Variants in GUCY1A2 observed in about 807,000 individuals in gnomAD.
The protein encoded by GUCY1A2 is guanylate cyclase 1 soluble subunit alpha 2.
GUCY1A2 carries 27 observed loss-of-function variants against 63.5 expected under a neutral mutation model. The observed-to-expected ratio is 0.43, with a 90% CI of 0.31 to 0.59. The LOEUF is 0.59. GUCY1A2 is among the 20% of genes least tolerant of loss of function. The pLI is 0.11. For synonymous variants in GUCY1A2, 364 were observed against 343.5 expected (o/e 1.06, Z -0.66); for missense variants, 768 against 913.3 (o/e 0.84, Z 2.05).
In GUCY1A2 at chr11:106,680,626, C is replaced by A. The variant is rs1221538340; in HGVS notation, c.*6923G>T. 1 of 197,880 alleles carries A rather than the reference C, an allele frequency of 5.1e-6. No homozygotes were observed. The highest frequency in any genetic ancestry group is 2.3e-5 in the African/African-American group (1 of 43,350). The allele number at this position is 197,880 out of a possible 1,614,324, so 12.3% of individuals were successfully genotyped here. A position where few individuals can be genotyped will look rare whatever the true frequency, so the allele number is the denominator to read the frequency against. Reference sequence around the variant, plus strand: ...TTTATTTAACCCAAAACCATTCTTACTAAGGATTTAAGGATCCAGTGATAT... The same window carrying A: ...TTTATTTAACCCAAAACCATTCTTAATAAGGATTTAAGGATCCAGTGATAT... On this transcript the variant is annotated 3_prime_UTR_variant, in exon 8 of 8. Transcript: ENST00000526355.
intron 7 of GUCY1A2, among the ~76,000 whole-genome samples, 163 bp downstream of exon 7, chr11:106,708,349 A>T (rs1360065550): frequency 6.6e-6 from 1 of 152,094 alleles, no homozygotes; most frequent in Non-Finnish European, 1.5e-5. Context: ...TGCAAATAAA[A>T]GTTTGTGTCA....
chr11:106,968,098 T>A (rs899090932), intron 3 of GUCY1A2, among the ~76,000 whole-genome samples: 2 of 152,218 alleles, frequency 1.3e-5, no homozygotes, highest in African/African-American at 4.8e-5. Flanking sequence ...TTCTTAAGCA[T>A]CCTTGCCCAA....
chr11:106,727,041 T>C (rs541592406), intron 6 of GUCY1A2, among the ~76,000 whole-genome samples: 1 of 152,190 alleles, frequency 6.6e-6, no homozygotes, highest in South Asian at 2.1e-4. Context: ...GTGTGAAATT[T>C]TAGAGCCAAC....
At chr11:106,836,152 G>C (rs984532916) in intron 4 of GUCY1A2, among the ~76,000 whole-genome samples, 1 of 151,890 alleles carries the variant, frequency 6.6e-6, no homozygotes, top group Non-Finnish European at 1.5e-5. Flanking sequence ...GGAACAACAT[G>C]GGGATTGGGA....
rs7115711 is a variant in GUCY1A2 at position 106,713,322 on chromosome 11, C to T, written c.1837-4656G>A. Among the ~76,000 whole-genome samples, 976 of 152,060 alleles carry T rather than the reference C, an allele frequency of 6.4e-3. 17 individuals are homozygous for T. The highest frequency in any genetic ancestry group is 0.022 in the African/African-American group (900 of 41,486). On this transcript the variant is annotated intron_variant, in intron 6 of 7. Coordinates refer to ENST00000526355, the MANE Select transcript of GUCY1A2 (RefSeq NM_000855.3). The stretch of plus-strand genomic sequence containing the variant: ...ATATTGGCTGGAAGCAGAAGTGAGA[C>T]CTACTTTTTAAAAAAAGTAAACTAT...
chr11:106,842,753 G>A (rs965561561), intron 4 of GUCY1A2, among the ~76,000 whole-genome samples: 1 of 151,948 alleles, frequency 6.6e-6, no homozygotes, highest in Admixed American at 6.6e-5. Flanking sequence ...GTGGTGGGTG[G>A]AAGGGGCCTG....
At chr11:106,725,740 A>G (rs185840729) in intron 6 of GUCY1A2, among the ~76,000 whole-genome samples, 14 of 152,258 alleles carry the variant, frequency 9.2e-5, no homozygotes, top group Admixed American at 2.6e-4. Context: ...TTTGAGCCAA[A>G]TGTTTGAAAT....
At chr11:106,830,795 A>G (rs573380517) in intron 4 of GUCY1A2, among the ~76,000 whole-genome samples, 3 of 152,292 alleles carry the variant, frequency 2.0e-5, no homozygotes, top group Admixed American at 6.5e-5. Flanking sequence ...GAGAGCCCTG[A>G]CTAGTACAAT....
At chr11:106,914,643 A>G (rs1191819798) in intron 4 of GUCY1A2, among the ~76,000 whole-genome samples, 1 of 151,968 alleles carries the variant, frequency 6.6e-6, no homozygotes, top group Non-Finnish European at 1.5e-5. Flanking sequence ...AGGAAAATTA[A>G]ATAAATATAT....
chr11:106,892,540 C>A (rs183717130), intron 4 of GUCY1A2, among the ~76,000 whole-genome samples: 148 of 152,186 alleles, frequency 9.7e-4, no homozygotes, highest in Admixed American at 1.8e-3. Flanking sequence ...ATCTTCCTAC[C>A]TTTGTTCTTA....
At chr11:106,876,597 A>C (rs1421006347) in intron 4 of GUCY1A2, among the ~76,000 whole-genome samples, 1 of 152,096 alleles carries the variant, frequency 6.6e-6, no homozygotes, top group African/African-American at 2.4e-5. Context: ...CATTTTCATA[A>C]CAGTAGCCAC....
chr11:106,886,502 T>C (rs1024334825), intron 4 of GUCY1A2, among the ~76,000 whole-genome samples: 27 of 152,302 alleles, frequency 1.8e-4, no homozygotes, highest in African/African-American at 6.3e-4. Flanking sequence ...CCTATCTGGA[T>C]ACCACATATG....
chr11:106,908,523 CA>C (rs1431787259), intron 4 of GUCY1A2, among the ~76,000 whole-genome samples: 2 of 150,126 alleles, frequency 1.3e-5, no homozygotes, highest in South Asian at 4.2e-4. Flanking sequence ...GAGCCGGTGA[CA>C]AAAAAACAAG....
chr11:107,012,235 C>A (rs764149638), intron 1 of GUCY1A2, among the ~76,000 whole-genome samples: 3 of 146,422 alleles, frequency 2.0e-5, no homozygotes, highest in African/African-American at 7.6e-5. Context: ...TGGGCTATGC[C>A]GACAAAATAC....
chr11:106,947,981 T>C (rs542932554), intron 3 of GUCY1A2, among the ~76,000 whole-genome samples: 1 of 152,048 alleles, frequency 6.6e-6, no homozygotes, highest in African/African-American at 2.4e-5. Flanking sequence ...GGAATAAGAA[T>C]ACATAGGCAC....
intron 4 of GUCY1A2, among the ~76,000 whole-genome samples, chr11:106,869,590 T>C (rs1859644819): frequency 6.6e-6 from 1 of 152,128 alleles, no homozygotes; most frequent in African/African-American, 2.4e-5. Flanking sequence ...ATGGCAATCA[T>C]TAAAAAGTCA....
intron 4 of GUCY1A2, among the ~76,000 whole-genome samples, chr11:106,904,728 T>C (rs1181571024): frequency 6.6e-6 from 1 of 151,888 alleles, no homozygotes; most frequent in African/African-American, 2.4e-5. Context: ...GTCCAAAATC[T>C]ACTACAACTT....
intron 5 of GUCY1A2, among the ~76,000 whole-genome samples, chr11:106,798,763 C>A (rs988089111): frequency 6.6e-6 from 1 of 152,016 alleles, no homozygotes; most frequent in Non-Finnish European, 1.5e-5. Flanking sequence ...TGGGACGTAT[C>A]TCAAAATAAT....
intron 2 of GUCY1A2, among the ~76,000 whole-genome samples, chr11:106,980,488 A>C (rs1861320943): frequency 6.6e-6 from 1 of 152,232 alleles, no homozygotes; most frequent in African/African-American, 2.4e-5. Context: ...GACACAGAAA[A>C]GAATGGCCTG....
Sources: gnomAD v4.1 joint callset for allele counts (sites outside exome capture counted in the v4.1 genomes callset) on GRCh38, gnomAD v4.1.1 for gene constraint, MANE v1.5 for transcripts, NCBI Gene and HGNC (gene_info 2026-07-23, HGNC 2026-07-21) for gene names.